Variants in SH2D4B observed in about 807,000 individuals in gnomAD.
The protein encoded by SH2D4B is SH2 domain-containing protein 4B.
Under a neutral mutation model 61.5 loss-of-function variants are expected in SH2D4B, and 45 were observed. The ratio of observed to expected loss-of-function variants is 0.73; its 90% CI spans 0.58 to 0.94. SH2D4B has a LOEUF of 0.94. Ranked by LOEUF, SH2D4B falls within the 40% of genes least tolerant of loss-of-function variation. The pLI is 0.00. For synonymous variants in SH2D4B, 224 were observed against 220.4 expected, an observed-to-expected ratio of 1.02 and a Z score of -0.14; for missense variants, 572 against 574.2, an observed-to-expected ratio of 1.00 and a Z score of 0.04.
In SH2D4B at chr10:80,634,331, T is replaced by C. The variant is rs1226388868; in HGVS notation, c.1035T>C (p.Thr345=). 2.6e-6 allele frequency: 4 copies of C among 1,547,768 alleles called. No homozygotes were observed. In the African/African-American group the frequency reaches 5.5e-5, roughly 21 times the overall value. Residue 345 remains threonine, a synonymous_variant, in exon 7 of 8, where the codon ACT becomes ACC. Coordinates refer to ENST00000646907, the MANE Select transcript of SH2D4B (RefSeq NM_001388272.1). ...CAGAAGCTCTCCTGGAGAACATGAC[T>C]GAGGGAGCATTCCTGGTCCGGGTCA... ...EDAEALLENM[T]EGAFLVRVSE...
chr10:80,610,774 C>T (rs1842587252), intron 6 of SH2D4B, among the ~76,000 whole-genome samples: 1 of 152,064 alleles, frequency 6.6e-6, no homozygotes, highest in African/African-American at 2.4e-5. Flanking sequence ...TCTCAGTGAC[C>T]CCCACCAGTC....
At chr10:80,542,364 A>G (rs949521280) in intron 1 of SH2D4B, among the ~76,000 whole-genome samples, 11 of 150,398 alleles carry the variant, frequency 7.3e-5, no homozygotes, top group African/African-American at 2.7e-4. Flanking sequence ...CTACTGACCC[A>G]GGAAGCTTCC....
At chr10:80,547,753 G>A (rs1449783313) in intron 1 of SH2D4B, among the ~76,000 whole-genome samples, 2 of 152,176 alleles carry the variant, frequency 1.3e-5, no homozygotes, top group African/African-American at 4.8e-5. Flanking sequence ...AAAATGAGGT[G>A]TCTAGGGGTG....
intron 3 of SH2D4B, among the ~76,000 whole-genome samples, 165 bp from the exon 4 acceptor site, chr10:80,588,465 T>TG (rs1842284812): frequency 6.6e-6 from 1 of 152,202 alleles, no homozygotes; most frequent in Non-Finnish European, 1.5e-5. Flanking sequence ...CAACTGTCTA[T>TG]GGGAGTACTG....
chr10:80,642,717 C>T (rs545237553), intron 7 of SH2D4B, among the ~76,000 whole-genome samples: 1 of 152,324 alleles, frequency 6.6e-6, no homozygotes, highest in East Asian at 1.9e-4. Context: ...TGATCTTGAA[C>T]AGTGCTGTAG....
At chr10:80,612,198 T>TTTTTTTTC (rs59848195) in intron 6 of SH2D4B, among the ~76,000 whole-genome samples, 6,393 of 124,896 alleles carry the variant, frequency 0.051, 700 homozygotes, top group African/African-American at 0.18. Context: ...TTTTTTTTTT[T>TTTTTTTTC]CAACTTTACT....
intron 4 of SH2D4B, among the ~76,000 whole-genome samples, chr10:80,601,164 C>T (rs1354039205): frequency 6.6e-6 from 1 of 152,116 alleles, no homozygotes; most frequent in Non-Finnish European, 1.5e-5. Context: ...TAAGGAGTGA[C>T]AAACCACTGA....
At chr10:80,558,552 G>C (rs1340080596) in intron 1 of SH2D4B, among the ~76,000 whole-genome samples, 1 of 151,970 alleles carries the variant, frequency 6.6e-6, no homozygotes, top group Non-Finnish European at 1.5e-5. Context: ...TCAGTCTTGG[G>C]TCACTGCAAC....
chr10:80,558,125 T>A (rs1841861292), intron 1 of SH2D4B, among the ~76,000 whole-genome samples: 1 of 152,206 alleles, frequency 6.6e-6, no homozygotes, highest in Admixed American at 6.5e-5. Context: ...CTTTAGTTTC[T>A]GAATATTTGA....
chr10:80,577,026 C>T (rs930602291), intron 3 of SH2D4B, among the ~76,000 whole-genome samples: 3 of 152,224 alleles, frequency 2.0e-5, no homozygotes, highest in African/African-American at 7.2e-5. Context: ...CTCAGCCTCC[C>T]AAAGAGTTGG....
intron 6 of SH2D4B, among the ~76,000 whole-genome samples, chr10:80,625,285 A>G (rs9325452): frequency 0.064 from 9,729 of 152,198 alleles, 359 homozygotes; most frequent in Admixed American, 0.08. Flanking sequence ...CACTTAGCAG[A>G]TTCTAAAGTT....
intron 3 of SH2D4B, among the ~76,000 whole-genome samples, chr10:80,579,102 A>G (rs772099606): frequency 1.3e-4 from 20 of 152,090 alleles, no homozygotes; most frequent in Non-Finnish European, 2.2e-4. Flanking sequence ...AGATAGGTGG[A>G]GGCTGGAGGA....
rs987536755 is a variant in SH2D4B at position 80,538,297 on chromosome 10, G to A, written c.-35G>A. On this transcript the variant is annotated 5_prime_UTR_variant, in exon 1 of 8. Transcript: ENST00000646907. The surrounding 1 kb of genome is among the most constrained non-coding windows in gnomAD (Gnocchi z 4.8). ...CTGCCTGGCCCTGCTTCCCCTGCTGGCTGCCCTTCTGGTGCGTGCATCCCA... is the reference window on the plus strand; with the variant it reads ...CTGCCTGGCCCTGCTTCCCCTGCTGACTGCCCTTCTGGTGCGTGCATCCCA... 6 of 1,285,850 alleles carry A rather than the reference G, an allele frequency of 4.7e-6. No individual in the cohort carries two copies. The South Asian group carries it at 1.1e-4, about 24-fold the overall frequency. 79.7% of individuals were successfully genotyped at this position (1,285,850 alleles called of 1,614,324 possible).
intron 7 of SH2D4B, among the ~76,000 whole-genome samples, 173 bp downstream of exon 7, chr10:80,634,678 C>T (rs1564531214): frequency 6.6e-6 from 1 of 152,090 alleles, no homozygotes; most frequent in South Asian, 2.1e-4. Flanking sequence ...ACACGGGGCC[C>T]GAGGGCCCAC....
At chr10:80,630,605 C>G (rs1174336943) in intron 6 of SH2D4B, among the ~76,000 whole-genome samples, 1 of 152,192 alleles carries the variant, frequency 6.6e-6, no homozygotes, top group Non-Finnish European at 1.5e-5. Context: ...CTGCCTTTCC[C>G]AATCAAGCTA....
At chr10:80,609,686 C>G in intron 6 of SH2D4B, 135 bp downstream of exon 6, 11 of 1,377,174 alleles carry the variant, frequency 8.0e-6, no homozygotes, top group South Asian at 1.3e-5. Context: ...CTGTCCCTCT[C>G]CCAGTGGGAG....
Position 80,570,327 on chromosome 10 carries a change from C to G in SH2D4B, c.347+11C>G. 6.2e-7 allele frequency: 1 copy of G among 1,611,820 alleles called. No homozygotes were observed. Among genetic ancestry groups the G allele is most frequent in the Non-Finnish European group, 8.5e-7 (1 of 1,179,630 alleles). On this transcript the variant is annotated intron_variant, in intron 2 of 7. Coordinates refer to ENST00000646907, the MANE Select transcript of SH2D4B (RefSeq NM_001388272.1). Reference sequence around the variant, plus strand: ...AGCTGAGGAGCTCTGGTGAGGGGTGCTATGGGGTGTTGGGTGGGGCCTAGG... The same window carrying G: ...AGCTGAGGAGCTCTGGTGAGGGGTGGTATGGGGTGTTGGGTGGGGCCTAGG...
chr10:80,633,671 A>T (rs568472819), intron 6 of SH2D4B, among the ~76,000 whole-genome samples: 2 of 152,332 alleles, frequency 1.3e-5, no homozygotes, highest in East Asian at 3.9e-4. Context: ...CCAAATTGTG[A>T]TGAAACTGCA....
At chr10:80,588,846 A>T (rs1332216121) in intron 4 of SH2D4B, 69 bp downstream of exon 4, 5 of 1,580,786 alleles carry the variant, frequency 3.2e-6, no homozygotes, top group African/African-American at 2.7e-5. Flanking sequence ...CCCAATGCTG[A>T]TGTACTCATT....
Sources: allele counts gnomAD v4.1 joint callset (sites outside exome capture counted in the v4.1 genomes callset), GRCh38; gene constraint gnomAD v4.1.1; non-coding constraint Gnocchi (gnomAD v3.1); transcripts MANE v1.5; gene names NCBI Gene and HGNC (gene_info 2026-07-23, HGNC 2026-07-21).